Variants in GPC6 observed in about 807,000 individuals in gnomAD.
GPC6 encodes the protein glypican 6.
A neutral mutation model predicts 55.2 loss-of-function variants in GPC6; 14 were observed. That is an observed-to-expected ratio of 0.25 (90% confidence interval 0.17 to 0.40). The LOEUF is 0.40. GPC6 is among the 10% of genes least tolerant of loss of function. The probability of loss-of-function intolerance (pLI) is 1.00; values close to 1 mark genes in which losing one functional copy is unlikely to be tolerated. For synonymous variants in GPC6, 278 were observed against 259.6 expected, an observed-to-expected ratio of 1.07 and a Z score of -0.68; for missense variants, 641 against 708.5, an observed-to-expected ratio of 0.90 and a Z score of 1.08.
At chr13:93,634,356 G>A (rs1010664695) in intron 2 of GPC6, among the ~76,000 whole-genome samples, 1 of 152,172 alleles carries the variant, frequency 6.6e-6, no homozygotes, top group African/African-American at 2.4e-5. Flanking sequence ...AGTCTGGTGA[G>A]CAAAACTAAC....
intron 2 of GPC6, among the ~76,000 whole-genome samples, chr13:93,616,884 C>G (rs1878747000): frequency 6.6e-6 from 1 of 151,956 alleles, no homozygotes; most frequent in South Asian, 2.1e-4. Flanking sequence ...CTATGATATC[C>G]TCTAGTGTGT....
chr13:93,791,860 T>C (rs1255000073), intron 2 of GPC6, among the ~76,000 whole-genome samples: 6 of 152,342 alleles, frequency 3.9e-5, no homozygotes, highest in Middle Eastern at 6.8e-3. Flanking sequence ...TGCTTCTAAC[T>C]GTCTCAAATG....
intron 2 of GPC6, among the ~76,000 whole-genome samples, chr13:93,647,004 A>G (rs187955777): frequency 1.0e-3 from 157 of 152,294 alleles, no homozygotes; most frequent in Admixed American, 9.3e-3. Flanking sequence ...ATTAAAAAGT[A>G]TTCAATTGCT....
chr13:94,075,985 G>A (rs573048854), intron 4 of GPC6, among the ~76,000 whole-genome samples: 38 of 152,102 alleles, frequency 2.5e-4, no homozygotes, highest in African/African-American at 8.2e-4. Flanking sequence ...CCTGGAATTG[G>A]TGTTGCTGAA....
chr13:93,306,793 T>C (rs555513483), intron 1 of GPC6, among the ~76,000 whole-genome samples: 1 of 152,252 alleles, frequency 6.6e-6, no homozygotes, highest in African/African-American at 2.4e-5. Flanking sequence ...CAAAAATATA[T>C]GTTTAAGTAG....
chr13:93,810,248 A>C (rs1886656744), intron 2 of GPC6, among the ~76,000 whole-genome samples: 1 of 152,228 alleles, frequency 6.6e-6, no homozygotes. Context: ...TTCAAGATTC[A>C]ATAGCTACAT....
chr13:93,356,993 C>CA (rs1169070654), intron 1 of GPC6, among the ~76,000 whole-genome samples: 2 of 152,128 alleles, frequency 1.3e-5, no homozygotes, highest in Non-Finnish European at 2.9e-5. Flanking sequence ...TTCTGAGTGC[C>CA]AACTCCAAAT....
Position 93,229,304 on chromosome 13 carries a change from A to C in GPC6, c.160+1688A>C, listed in dbSNP as rs527444290. On this transcript the variant is annotated intron_variant, in intron 1 of 8. Coordinates refer to ENST00000377047, the MANE Select transcript of GPC6 (RefSeq NM_005708.5). ...ACTTTTTAAAAGGTTTATAGTATGG[A>C]TCACTTCTTCTAGGAACTTTTTCTC... is the stretch of plus-strand genomic sequence containing the variant. Among the ~76,000 whole-genome samples the C allele has an allele frequency of 6.6e-5, 10 of 151,416 alleles. No homozygotes were observed. In the South Asian group the frequency reaches 2.1e-3, roughly 32 times the overall value.
At chr13:93,247,703 A>T (rs924649751) in intron 1 of GPC6, among the ~76,000 whole-genome samples, 1 of 152,234 alleles carries the variant, frequency 6.6e-6, no homozygotes, top group Non-Finnish European at 1.5e-5. Flanking sequence ...AAAATACCTT[A>T]CAAATGGCAA....
chr13:94,129,266 G>T (rs150506772), intron 4 of GPC6, among the ~76,000 whole-genome samples: 3 of 152,190 alleles, frequency 2.0e-5, no homozygotes, highest in African/African-American at 7.2e-5. Context: ...AAGCTGTGCT[G>T]GACAACTACT....
intron 3 of GPC6, among the ~76,000 whole-genome samples, chr13:93,951,465 GATGA>G (rs541591095): frequency 2.0e-5 from 3 of 151,986 alleles, no homozygotes; most frequent in African/African-American, 7.2e-5. Flanking sequence ...ATGAATAAAT[GATGA>G]ATGAATGAAT....
chr13:93,416,992 A>C (rs1431503515), intron 1 of GPC6, among the ~76,000 whole-genome samples: 33 of 152,134 alleles, frequency 2.2e-4, no homozygotes, highest in Admixed American at 2.2e-3. Context: ...CTTTGTCAGA[A>C]AAATAAAGCC....
intron 1 of GPC6, among the ~76,000 whole-genome samples, chr13:93,404,470 T>C (rs1396962936): frequency 1.3e-5 from 2 of 152,172 alleles, no homozygotes; most frequent in African/African-American, 4.8e-5. Flanking sequence ...TTATTCCAGT[T>C]AATTTTGTAA....
intron 2 of GPC6, among the ~76,000 whole-genome samples, chr13:93,682,211 T>G (rs940290742): frequency 6.6e-6 from 1 of 152,088 alleles, no homozygotes; most frequent in African/African-American, 2.4e-5. Context: ...TGCAGCCAAT[T>G]TATGGGGCAG....
intron 1 of GPC6, among the ~76,000 whole-genome samples, chr13:93,261,859 A>T (rs17188802): frequency 6.6e-6 from 1 of 151,810 alleles, no homozygotes; most frequent in Non-Finnish European, 1.5e-5. Context: ...GAATAAACAG[A>T]TAAATAAAGA....
At chr13:94,196,371 A>C (rs1889577471) in intron 4 of GPC6, among the ~76,000 whole-genome samples, 1 of 152,154 alleles carries the variant, frequency 6.6e-6, no homozygotes, top group African/African-American at 2.4e-5. Flanking sequence ...TGCTATATAA[A>C]GATGTTATAT....
chr13:93,466,309 A>G (rs1019604792), intron 1 of GPC6, among the ~76,000 whole-genome samples: 1 of 152,110 alleles, frequency 6.6e-6, no homozygotes, highest in Non-Finnish European at 1.5e-5. Context: ...TCTTTGATTC[A>G]CTCATTTGTT....
chr13:93,487,073 C>T (rs7997642), intron 1 of GPC6, among the ~76,000 whole-genome samples: 68,334 of 152,042 alleles, frequency 0.45, 15,709 homozygotes, highest in Middle Eastern at 0.56. Context: ...GCTGATACCT[C>T]GCAGTTTGCT....
chr13:93,987,915 T>C (rs984934571), intron 3 of GPC6, among the ~76,000 whole-genome samples: 2 of 152,200 alleles, frequency 1.3e-5, no homozygotes, highest in African/African-American at 4.8e-5. Flanking sequence ...GGAGGTTTCA[T>C]CTACAAAGGG....
Sources: gnomAD v4.1 joint callset for allele counts (sites outside exome capture counted in the v4.1 genomes callset) on GRCh38, gnomAD v4.1.1 for gene constraint, MANE v1.5 for transcripts, NCBI Gene and HGNC (gene_info 2026-07-23, HGNC 2026-07-21) for gene names.